Variants in GMDS observed in about 807,000 individuals in gnomAD.
GMDS encodes the protein GDP-mannose 4,6 dehydratase.
Under a neutral mutation model 49.9 loss-of-function variants are expected in GMDS, and 20 were observed. The ratio of observed to expected loss-of-function variants is 0.40; its 90% CI spans 0.28 to 0.58. The LOEUF (loss-of-function observed/expected upper bound fraction) is 0.58. Ranked by LOEUF, GMDS falls within the 20% of genes least tolerant of loss-of-function variation. GMDS has a pLI of 0.42. For missense variants in GMDS, 362 were observed against 481.4 expected, an observed-to-expected ratio of 0.75 and a Z score of 2.32; for synonymous variants, 177 against 178.6, an observed-to-expected ratio of 0.99 and a Z score of 0.07.
chr6:2,048,303 AT>A lies in GMDS; in HGVS notation c.345+67467del, dbSNP rs367703417. 3.0e-3 allele frequency among the ~76,000 whole-genome samples: 461 copies of A among 152,280 alleles called. 5 individuals are homozygous for A. Among genetic ancestry groups the A allele is most frequent in the African/African-American group, 0.01 (431 of 41,542 alleles). ...TAGAAATGTTATAGATGGTATAAGA[AT>A]TTTTTCCATATGGCCAGCATCAATT... On this transcript the variant is annotated intron_variant, in intron 4 of 10. Transcript: ENST00000380815.
chr6:2,195,070 A>AC lies in GMDS; in HGVS notation c.102+50250dup, dbSNP rs769798358. On this transcript the variant is annotated intron_variant, in intron 1 of 10. Coordinates refer to ENST00000380815, the MANE Select transcript of GMDS (RefSeq NM_001500.4). Reference sequence around the variant, plus strand: ...TTTCCTTTCTGAGGTAATTATACACACATGAAGTTAGCAAGGGTAAAATCA... The same window carrying AC: ...TTTCCTTTCTGAGGTAATTATACACACCATGAAGTTAGCAAGGGTAAAATCA... Among the ~76,000 whole-genome samples the AC allele has an allele frequency of 2.1e-3, 316 of 152,386 alleles. 2 individuals carry two copies. The highest frequency in any genetic ancestry group is 3.6e-3 in the Non-Finnish European group (245 of 68,038).
chr6:2,160,749 A>G (rs1777357443), intron 1 of GMDS, among the ~76,000 whole-genome samples: 1 of 152,070 alleles, frequency 6.6e-6, no homozygotes, highest in Non-Finnish European at 1.5e-5. Flanking sequence ...GCTGGTCTCC[A>G]ACTCCTGAGC....
At chr6:1,845,291 G>A (rs1412896615) in intron 7 of GMDS, among the ~76,000 whole-genome samples, 4 of 152,124 alleles carry the variant, frequency 2.6e-5, no homozygotes, top group Non-Finnish European at 5.9e-5. Flanking sequence ...GGGTTTCACG[G>A]TCATAGTTTA....
At chr6:1,644,149 G>A (rs1290477573) in intron 9 of GMDS, among the ~76,000 whole-genome samples, 1 of 152,222 alleles carries the variant, frequency 6.6e-6, no homozygotes, top group Non-Finnish European at 1.5e-5. Context: ...GATACTAGTA[G>A]CCTGCAGCCA....
At chr6:2,182,747 C>CTG (rs1778609487) in intron 1 of GMDS, among the ~76,000 whole-genome samples, 2 of 152,226 alleles carry the variant, frequency 1.3e-5, no homozygotes, top group Admixed American at 6.5e-5. Context: ...ACTGTGTTGC[C>CTG]CAGGCCAGAG....
intron 1 of GMDS, among the ~76,000 whole-genome samples, chr6:2,129,509 G>A (rs770163675): frequency 2.6e-5 from 4 of 152,146 alleles, no homozygotes; most frequent in Non-Finnish European, 5.9e-5. Context: ...ATACGGTCAT[G>A]GTACTGGGCT....
chr6:1,753,806 G>T (rs554162065), intron 7 of GMDS, among the ~76,000 whole-genome samples: 2 of 152,196 alleles, frequency 1.3e-5, no homozygotes, highest in Non-Finnish European at 2.9e-5. Context: ...CAAAATTAGG[G>T]CAGAACTAAA....
intron 7 of GMDS, among the ~76,000 whole-genome samples, chr6:1,801,342 G>T (rs1216065141): frequency 6.6e-6 from 1 of 152,198 alleles, no homozygotes; most frequent in African/African-American, 2.4e-5. Flanking sequence ...TGAGTACACA[G>T]ATTTTTGTGA....
chr6:1,946,802 G>A (rs1245180724), intron 6 of GMDS, among the ~76,000 whole-genome samples: 1 of 152,194 alleles, frequency 6.6e-6, no homozygotes, highest in Non-Finnish European at 1.5e-5. Context: ...GGGCACAATA[G>A]CTACCAGTGG....
chr6:2,208,484 T>C (rs1424795438), intron 1 of GMDS, among the ~76,000 whole-genome samples: 1 of 152,182 alleles, frequency 6.6e-6, no homozygotes, highest in African/African-American at 2.4e-5. Flanking sequence ...CCATACTTTT[T>C]ACAGTCACAG....
At chr6:2,140,563 AGTC>A (rs1435507131) in intron 1 of GMDS, among the ~76,000 whole-genome samples, 2 of 152,216 alleles carry the variant, frequency 1.3e-5, no homozygotes, top group African/African-American at 4.8e-5. Flanking sequence ...TCTAGCAAGC[AGTC>A]GTTCCCAGTC....
intron 7 of GMDS, among the ~76,000 whole-genome samples, chr6:1,771,094 C>G (rs1051042341): frequency 6.6e-6 from 1 of 152,184 alleles, no homozygotes. Flanking sequence ...ATTTCTTACA[C>G]AGAATATGCT....
At chr6:1,807,924 A>G (rs1441241652) in intron 7 of GMDS, among the ~76,000 whole-genome samples, 1 of 152,240 alleles carries the variant, frequency 6.6e-6, no homozygotes, top group Non-Finnish European at 1.5e-5. Context: ...CTGCTCATCA[A>G]AAGAGAGCAT....
intron 7 of GMDS, among the ~76,000 whole-genome samples, chr6:1,745,173 A>G (rs1767435002): frequency 1.3e-5 from 2 of 152,244 alleles, no homozygotes; most frequent in African/African-American, 4.8e-5. Context: ...TAACATCTCA[A>G]ATAGGTCTTT....
At chr6:1,947,068 A>T (rs578029961) in intron 6 of GMDS, among the ~76,000 whole-genome samples, 10 of 152,320 alleles carry the variant, frequency 6.6e-5, no homozygotes, top group African/African-American at 1.9e-4. Flanking sequence ...CTGGGAGTAG[A>T]AGAGTAGATG....
chr6:2,239,108 G>A (rs1228915958), intron 1 of GMDS, among the ~76,000 whole-genome samples: 1 of 152,106 alleles, frequency 6.6e-6, no homozygotes, highest in Non-Finnish European at 1.5e-5. Flanking sequence ...GTGGGCGGAT[G>A]ACTTGAGGCC....
chr6:1,898,353 A>C (rs564975494), intron 7 of GMDS, among the ~76,000 whole-genome samples: 34 of 152,374 alleles, frequency 2.2e-4, no homozygotes, highest in Admixed American at 2.2e-3. Flanking sequence ...ATACCTTAGA[A>C]ACTGCCTAGT....
At chr6:1,730,674 A>T (rs1207110980) in intron 8 of GMDS, among the ~76,000 whole-genome samples, 1 of 152,176 alleles carries the variant, frequency 6.6e-6, no homozygotes, top group East Asian at 1.9e-4. Context: ...GCTGACAGTC[A>T]GGCCTATTTC....
chr6:2,219,155 G>A (rs1214769869), intron 1 of GMDS, among the ~76,000 whole-genome samples: 1 of 152,174 alleles, frequency 6.6e-6, no homozygotes, highest in Non-Finnish European at 1.5e-5. Flanking sequence ...GAGGAAATGG[G>A]GAGGTGGCGG....
Sources: gnomAD v4.1 joint callset for allele counts (sites outside exome capture counted in the v4.1 genomes callset) on GRCh38, gnomAD v4.1.1 for gene constraint, MANE v1.5 for transcripts, NCBI Gene and HGNC (gene_info 2026-07-23, HGNC 2026-07-21) for gene names.